Variants in KIF24 observed in about 807,000 individuals in gnomAD.
KIF24 encodes kinesin-like protein KIF24.
KIF24 carries 81 observed loss-of-function variants against 118.9 expected under a neutral mutation model. That is an observed-to-expected ratio of 0.68 (90% CI 0.57 to 0.82). The LOEUF (loss-of-function observed/expected upper bound fraction) is 0.82. KIF24 is among the 40% of genes least tolerant of loss of function. The pLI, the probability that KIF24 is intolerant of heterozygous loss-of-function variation, is 0.00. For missense variants in KIF24, 1,560 were observed against 1,661.6 expected (o/e 0.94, Z 1.06); for synonymous variants, 599 against 610.0 (o/e 0.98, Z 0.27).
chr9:34,273,390 G>C (rs1165872319), intron 6 of KIF24, among the ~76,000 whole-genome samples: 1 of 128,778 alleles, frequency 7.8e-6, no homozygotes, highest in Non-Finnish European at 1.6e-5. Context: ...AACTAAGTAA[G>C]TAAGTAGGAA....
intron 10 of KIF24, 136 bp downstream of exon 10, chr9:34,259,460 C>T: frequency 1.5e-6 from 1 of 671,908 alleles, no homozygotes; most frequent in Non-Finnish European, 2.6e-6. Flanking sequence ...GGTCAGATCC[C>T]TATGTGTGTG....
chr9:34,306,333 A>G lies in KIF24; in HGVS notation c.732T>C (p.Asn244=). 1 of 1,610,424 alleles carries G rather than the reference A, an allele frequency of 6.2e-7. No homozygotes were observed. Among genetic ancestry groups the G allele is most frequent in the South Asian group, 1.1e-5 (1 of 90,930 alleles). The change falls in exon 3 of 13, where the codon AAT becomes AAC. Residue 244 remains asparagine, a synonymous_variant. Coordinates refer to ENST00000402558, the MANE Select transcript of KIF24 (RefSeq NM_194313.4). ...TTTCTTTGTCTTCTACAGTAATAAT[A>G]TTAATTTCTCCACGACGTACCTCCC... ...GMREVRRGEI[N]IITVEDKETL...
chr9:34,300,626 C>A, intron 3 of KIF24, among the ~76,000 whole-genome samples: 1 of 151,996 alleles, frequency 6.6e-6, no homozygotes, highest in East Asian at 1.9e-4. Flanking sequence ...CCTCGGCCTA[C>A]CAAAGTGCTG....
intron 1 of KIF24, among the ~76,000 whole-genome samples, chr9:34,326,189 A>G (rs1837666610): frequency 6.6e-6 from 1 of 152,120 alleles, no homozygotes; most frequent in Non-Finnish European, 1.5e-5. Flanking sequence ...CCTTGTCTCT[A>G]CAAATAAACA....
chr9:34,272,204 T>C (rs1835532940), intron 6 of KIF24, among the ~76,000 whole-genome samples: 1 of 152,350 alleles, frequency 6.6e-6, no homozygotes. Flanking sequence ...TTTAGTATCT[T>C]TGATGGATTT....
intron 4 of KIF24, among the ~76,000 whole-genome samples, chr9:34,293,052 C>T (rs1836313784): frequency 6.6e-6 from 1 of 152,064 alleles, no homozygotes; most frequent in African/African-American, 2.4e-5. Flanking sequence ...GATTTGGTGC[C>T]CTTACTAAGA....
chr9:34,329,407 C>T (rs1587983729), upstream of KIF24: 1 of 152,382 alleles, frequency 6.6e-6, no homozygotes, highest in African/African-American at 2.4e-5. Context: ...CTCTCAATTT[C>T]CGACCTTCAG....
chr9:34,256,800 G>A lies in KIF24; in HGVS notation c.2807C>T (p.Ala936Val). Residue 936 changes from alanine to valine, a missense_variant, in exon 11 of 13, where the codon GCA becomes GTA. Around this residue, in one of 3 missense-constraint regions of KIF24, gnomAD observed 591 missense variants for 655.6 expected, o/e 0.90. Transcript: ENST00000402558. ...TACCTGTGAACAGTATGGCTTCTCT[G>A]CCAGGCTGTCTCTGGGAGAAGGCCC... ...SSGPSPRDSL[A>V]EKPYCSQVDF... is the part of the protein sequence containing the mutation. 9 of 1,613,968 alleles carry A rather than the reference G, an allele frequency of 5.6e-6. No individual in the cohort carries two copies. The highest frequency in any genetic ancestry group is 6.8e-6 in the Non-Finnish European group (8 of 1,179,846).
chr9:34,285,776 A>AAAAAAAAAAAAAAAAATT (rs1836023399), intron 6 of KIF24, among the ~76,000 whole-genome samples: 1 of 144,750 alleles, frequency 6.9e-6, no homozygotes, highest in East Asian at 2.0e-4. Flanking sequence ...CTCCATCTCA[A>AAAAAAAAAAAAAAAAATT]AAAAAAAAAA....
At chr9:34,299,756 C>T (rs1358223785) in intron 3 of KIF24, among the ~76,000 whole-genome samples, 1 of 151,530 alleles carries the variant, frequency 6.6e-6, no homozygotes, top group Non-Finnish European at 1.5e-5. Context: ...ATAAAACTAA[C>T]ATGCAATAAT....
rs542880360 is a variant in KIF24, at chr9:34,315,804, G to A, written c.-25-4433C>T. 2.6e-5 allele frequency among the ~76,000 whole-genome samples: 4 copies of A among 152,272 alleles called. No individual in the cohort carries two copies. The East Asian group carries it at 7.7e-4, about 29-fold the overall frequency. On this transcript the variant is annotated intron_variant, in intron 1 of 12. Transcript: ENST00000402558. Reference sequence around the variant, plus strand: ...AGCACTTTGGGAGGCCAAGGCCAGGGGATCACTTGAGGTCAGGAGTTTGAG... The same window carrying A: ...AGCACTTTGGGAGGCCAAGGCCAGGAGATCACTTGAGGTCAGGAGTTTGAG...
chr9:34,305,752 C>T (rs1196916758), intron 3 of KIF24, among the ~76,000 whole-genome samples: 1 of 151,978 alleles, frequency 6.6e-6, no homozygotes, highest in Non-Finnish European at 1.5e-5. Flanking sequence ...TACAGGTACA[C>T]ACCACCATGC....
At chr9:34,315,896 G>A (rs2131822658) in intron 1 of KIF24, among the ~76,000 whole-genome samples, 1 of 152,170 alleles carries the variant, frequency 6.6e-6, no homozygotes, top group South Asian at 2.1e-4. Context: ...AGGCATGGTG[G>A]TGTGCGCCTG....
chr9:34,254,251 C>T lies in KIF24; in HGVS notation c.*129G>A, dbSNP rs1170321618. 1.8e-5 allele frequency: 19 copies of T among 1,079,362 alleles called. No individual in the cohort carries two copies. The highest frequency in any genetic ancestry group is 1.1e-4 in the South Asian group (6 of 54,438). 66.9% of individuals were successfully genotyped at this position (1,079,362 alleles called of 1,614,324 possible). On this transcript the variant is annotated 3_prime_UTR_variant, in exon 13 of 13. Coordinates refer to ENST00000402558, the MANE Select transcript of KIF24 (RefSeq NM_194313.4). ...CTGAAGCCACGTGGGGCTGGGGTGA[C>T]GCTAGCATAGGCAGGACCAGCGTGT...
In KIF24 at chr9:34,269,265, G is replaced by A; in HGVS notation, c.1435C>T (p.Leu479=). The A allele has an allele frequency of 6.3e-7, 1 of 1,594,802 alleles. No homozygotes were observed. Among genetic ancestry groups the A allele is most frequent in the Non-Finnish European group, 8.6e-7 (1 of 1,164,376 alleles). ...GATTTTGAACAACTTACAGCCAGTA[G>A]ACTCTGATTTATTTCTGCACCTTCC... ...KMEGAEINQS[L]LALKECIRAL... The change falls in exon 8 of 13, where the codon CTA becomes TTA. Residue 479 remains leucine (L), a synonymous_variant. Coordinates refer to ENST00000402558, the MANE Select transcript of KIF24 (RefSeq NM_194313.4).
At chr9:34,292,812 T>A (rs1314589424) in intron 4 of KIF24, among the ~76,000 whole-genome samples, 1 of 152,060 alleles carries the variant, frequency 6.6e-6, no homozygotes, top group East Asian at 1.9e-4. Context: ...GGAGAAAAAT[T>A]TGAACACACT....
At position 34,318,941 on chromosome 9, in the gene KIF24, A is replaced by G. The variant is rs1837422514; in HGVS notation, c.-25-7570T>C. On this transcript the variant is annotated intron_variant, in intron 1 of 12. Transcript: ENST00000402558. The surrounding 1 kb of genome is among the most constrained non-coding windows in gnomAD (Gnocchi z 4.9). ...GTCCATCCACGAGTGGGCCGTGCAG[A>G]CCACCGACGGCAAGCTGCCCAAGGT... 1.3e-6 allele frequency: 2 copies of G among 1,534,530 alleles called. No homozygotes were observed. Among genetic ancestry groups the G allele is most frequent in the African/African-American group, 2.7e-5 (2 of 73,542 alleles).
At chr9:34,332,326 C>T (rs182644219), upstream of KIF24, among the ~76,000 whole-genome samples, 25 of 152,334 alleles carry the variant, frequency 1.6e-4, 1 homozygote, top group African/African-American at 6.0e-4. Flanking sequence ...TTATGGGGTA[C>T]CTTGTTAACC....
rs1837113153 is a variant in KIF24, at chr9:34,310,913, G to A, written c.434C>T (p.Ser145Phe). 1 of 1,613,518 alleles carries A rather than the reference G, an allele frequency of 6.2e-7. No homozygotes were observed. The highest frequency in any genetic ancestry group is 1.3e-5 in the African/African-American group (1 of 75,050). ...AATTCCTGTTTTTGTATGGTACTGG[G>A]AATCATCTGGTAGCATGTGTTCTAG... ...KVLEHMLPDD[S>F]QYHTKTGILN... Residue 145 changes from serine (S) to phenylalanine (F), a missense_variant, in exon 2 of 13, where the codon TCC becomes TTC. Around this residue, in one of 3 missense-constraint regions of KIF24, gnomAD observed 964 missense variants for 988.0 expected, o/e 0.98. Coordinates refer to ENST00000402558, the MANE Select transcript of KIF24 (RefSeq NM_194313.4).
Sources: allele counts gnomAD v4.1 joint callset (sites outside exome capture counted in the v4.1 genomes callset), GRCh38; gene constraint gnomAD v4.1.1; regional missense constraint gnomAD v4.1.1; non-coding constraint Gnocchi (gnomAD v3.1); transcripts MANE v1.5; gene names NCBI Gene and HGNC (gene_info 2026-07-23, HGNC 2026-07-21).